The following FOXF1 variants were observed in gnomAD, a reference collection of about 807,000 sequenced individuals.
FOXF1 encodes forkhead box F1, also known as forkhead box protein F1.
A neutral mutation model predicts 26.6 loss-of-function variants in FOXF1; 9 were observed. That is an observed-to-expected ratio of 0.34 (90% CI 0.20 to 0.59). FOXF1 has a LOEUF of 0.59. Ranked by LOEUF, FOXF1 falls within the 20% of genes least tolerant of loss-of-function variation. The probability of loss-of-function intolerance (pLI) is 0.83; values close to 1 mark genes in which losing one functional copy is unlikely to be tolerated. For missense variants in FOXF1, 499 were observed against 549.9 expected, an observed-to-expected ratio of 0.91 and a Z score of 0.93; for synonymous variants, 330 against 257.7, an observed-to-expected ratio of 1.28 and a Z score of -2.69.
In FOXF1 at chr16:86,511,295, G is replaced by C. The variant is rs780704041; in HGVS notation, c.726G>C (p.Ser242=). The change falls in exon 1 of 2, where the codon TCG becomes TCC. Residue 242 remains serine, a synonymous_variant. Coordinates refer to ENST00000262426, the MANE Select transcript of FOXF1 (RefSeq NM_001451.3). ...AAGEYPHHDS[S]VPASPLLPTG... Reference sequence around the variant, plus strand: ...GCGAGTACCCGCACCACGACAGCTCGGTGCCCGCCTCCCCGCTGCTGCCCA... The same window carrying C: ...GCGAGTACCCGCACCACGACAGCTCCGTGCCCGCCTCCCCGCTGCTGCCCA... 2.0e-6 allele frequency: 3 copies of C among 1,521,468 alleles called. No homozygotes were observed. In the South Asian group the frequency reaches 3.6e-5, roughly 18 times the overall value. The allele number at this position is 1,521,468 out of a possible 1,614,324, so 94.2% of individuals were successfully genotyped here. A position where few individuals can be genotyped will look rare whatever the true frequency, so the allele number is the denominator to read the frequency against.
Position 86,514,464 on chromosome 16 carries a change from A to T in FOXF1, c.*1379A>T, listed in dbSNP as rs780188070. 2.0e-5 allele frequency: 3 copies of T among 152,202 alleles called. No homozygotes were observed. The highest frequency in any genetic ancestry group is 4.4e-5 in the Non-Finnish European group (3 of 68,038). 9.4% of individuals were successfully genotyped at this position (152,202 alleles called of 1,614,324 possible). On this transcript the variant is annotated 3_prime_UTR_variant, in exon 2 of 2. Coordinates refer to ENST00000262426, the MANE Select transcript of FOXF1 (RefSeq NM_001451.3). Reference sequence around the variant, plus strand: ...AGAAATAAAATTGCATGAGTATTTTATTGGGACTGAGATTGTAGAATACCT... The same window carrying T: ...AGAAATAAAATTGCATGAGTATTTTTTTGGGACTGAGATTGTAGAATACCT...
rs1969558142 is a variant in FOXF1 at position 86,511,253 on chromosome 16, C to T, written c.684C>T (p.Cys228=). ...GCGGCCACTCGTACATGGGCGGCTG[C>T]GGCGGCGCGGCGGCCGGCGAGTACC... ...SNGGHSYMGG[C]GGAAAGEYPH... Residue 228 remains cysteine (C), a synonymous_variant, in exon 1 of 2, where the codon TGC becomes TGT. Transcript: ENST00000262426. 2.0e-6 allele frequency: 3 copies of T among 1,519,330 alleles called. No homozygotes were observed. The highest frequency in any genetic ancestry group is 2.0e-5 in the Admixed American group (1 of 48,926). The allele number at this position is 1,519,330 out of a possible 1,614,324, so 94.1% of individuals were successfully genotyped here.
rs1969557198 is a variant in FOXF1 at position 86,511,191 on chromosome 16, C to T, written c.622C>T (p.Leu208=). ...GCCGGGCAACGTGGACGGCATGGCC[C>T]TGCCCAGCCACTCGGTGCCCCACCT... ...HLPGNVDGMA[L]PSHSVPHLPS... is the part of the protein sequence containing the mutation. The change falls in exon 1 of 2, where the codon CTG becomes TTG. Residue 208 remains leucine, a synonymous_variant. Coordinates refer to ENST00000262426, the MANE Select transcript of FOXF1 (RefSeq NM_001451.3). The T allele has an allele frequency of 6.4e-7, 1 of 1,560,514 alleles. No homozygotes were observed. The highest frequency in any genetic ancestry group is 8.6e-7 in the Non-Finnish European group (1 of 1,161,062).
Position 86,510,892 on chromosome 16 carries a change from A to G in FOXF1, c.323A>G (p.Lys108Arg). 6.2e-7 allele frequency: 1 copy of G among 1,613,882 alleles called. No homozygotes were observed. ...HNLSLNECFI[K>R]LPKGLGRPGK... ...CTCTCGCTCAACGAGTGCTTCATCA[A>G]GCTACCCAAGGGCCTTGGGCGGCCC... Residue 108 changes from lysine (K) to arginine (R), a missense_variant, in exon 1 of 2, where the codon AAG becomes AGG. Lys to Arg is a conservative substitution (Grantham distance 26). Coordinates refer to ENST00000262426, the MANE Select transcript of FOXF1 (RefSeq NM_001451.3).
In FOXF1 at chr16:86,511,441, C is replaced by A; in HGVS notation, c.872C>A (p.Ser291Tyr). The change falls in exon 1 of 2, where the codon TCC (serine) becomes TAC (tyrosine). Residue 291 changes from serine (S) to tyrosine (Y), a missense_variant. Transcript: ENST00000262426. ...TCTTATATCAAGCAGCAGCCCCTGT[C>A]CCCCTGTAACCCCGCGGCCAACCCC... is the stretch of plus-strand genomic sequence containing the variant. The part of the protein sequence containing the change: ...GASYIKQQPL[S>Y]PCNPAANPLS... 1 of 1,594,742 alleles carries A rather than the reference C, an allele frequency of 6.3e-7. No individual in the cohort carries two copies. Among genetic ancestry groups the A allele is most frequent in the Non-Finnish European group, 8.5e-7 (1 of 1,178,512 alleles).
chr16:86,511,977 C>T (rs908542484), intron 1 of FOXF1, among the ~76,000 whole-genome samples: 1 of 152,212 alleles, frequency 6.6e-6, no homozygotes, highest in African/African-American at 2.4e-5. Context: ...GCTGCCTCTG[C>T]CTGGGGCTGG....
In FOXF1 at chr16:86,511,466, C is replaced by G. The variant is rs1377218965; in HGVS notation, c.897C>G (p.Pro299=). 2 of 1,591,690 alleles carry G rather than the reference C, an allele frequency of 1.3e-6. No individual in the cohort carries two copies. The highest frequency in any genetic ancestry group is 2.3e-5 in the East Asian group (1 of 44,444). ...CCCCCTGTAACCCCGCGGCCAACCC[C>G]CTGTCCGGCAGCCTCTCCACGCACT... ...PLSPCNPAAN[P]LSGSLSTHSL... is the part of the protein sequence containing the mutation. Residue 299 remains proline (P), a synonymous_variant, in exon 1 of 2, where the codon CCC becomes CCG. Coordinates refer to ENST00000262426, the MANE Select transcript of FOXF1 (RefSeq NM_001451.3).
In FOXF1 at chr16:86,510,915, C is replaced by A; in HGVS notation, c.346C>A (p.Pro116Thr). The part of the protein sequence containing the change: ...FIKLPKGLGR[P>T]GKGHYWTIDP... ...CAAGCTACCCAAGGGCCTTGGGCGG[C>A]CCGGCAAGGGCCACTACTGGACCAT... Residue 116 changes from proline to threonine, a missense_variant, in exon 1 of 2, where the codon CCC becomes ACC. Physicochemically the swap from Pro to Thr is conservative, Grantham distance 38 (BLOSUM62 -1). Coordinates refer to ENST00000262426, the MANE Select transcript of FOXF1 (RefSeq NM_001451.3). 2.5e-6 allele frequency: 4 copies of A among 1,613,858 alleles called. No homozygotes were observed. Among genetic ancestry groups the A allele is most frequent in the Non-Finnish European group, 3.4e-6 (4 of 1,180,024 alleles).
rs1393788111 is a variant in FOXF1, at chr16:86,511,237, C to T, written c.668C>T (p.Ser223Leu). 6.5e-6 allele frequency: 10 copies of T among 1,527,138 alleles called. No individual in the cohort carries two copies. Among genetic ancestry groups the T allele is most frequent in the African/African-American group, 4.1e-5 (3 of 72,386 alleles). 94.6% of individuals were successfully genotyped at this position (1,527,138 alleles called of 1,614,324 possible). ...CACCTGCCTTCCAACGGCGGCCACT[C>T]GTACATGGGCGGCTGCGGCGGCGCG... is the stretch of plus-strand genomic sequence containing the variant. ...VPHLPSNGGH[S>L]YMGGCGGAAA... is the part of the protein sequence containing the mutation. The change falls in exon 1 of 2, where the codon TCG becomes TTG. Residue 223 changes from serine to leucine, a missense_variant. Ser to Leu is a moderately radical substitution (Grantham distance 145). Transcript: ENST00000262426.
chr16:86,513,353 C>A lies in FOXF1; in HGVS notation c.*268C>A, dbSNP rs1014738327. 4.1e-6 allele frequency: 2 copies of A among 488,740 alleles called. No homozygotes were observed. Among genetic ancestry groups the A allele is most frequent in the Admixed American group, 3.3e-5 (1 of 30,330 alleles). The allele number at this position is 488,740 out of a possible 1,614,324, so 30.3% of individuals were successfully genotyped here. On this transcript the variant is annotated 3_prime_UTR_variant, in exon 2 of 2. Transcript: ENST00000262426. Reference sequence around the variant, plus strand: ...CCATCGGTAAATAAAAGTTTTTGATCCTGTTGAACCCGCCTGAGACGGTGC... The same window carrying A: ...CCATCGGTAAATAAAAGTTTTTGATACTGTTGAACCCGCCTGAGACGGTGC...
At chr16:86,512,882 A>G in intron 1 of FOXF1, 43 bp from the exon 2 acceptor site, 1 of 1,611,976 alleles carries the variant, frequency 6.2e-7, no homozygotes, top group South Asian at 1.1e-5. Context: ...ACCGTGGCTA[A>G]CTCTTCTGCT....
At position 86,511,472 on chromosome 16, in the gene FOXF1, C is replaced by T. The variant is rs960319848; in HGVS notation, c.903C>T (p.Ser301=). 19 of 1,589,932 alleles carry T rather than the reference C, an allele frequency of 1.2e-5. No homozygotes were observed. Among genetic ancestry groups the T allele is most frequent in the Non-Finnish European group, 1.4e-5 (16 of 1,176,540 alleles). ...GTAACCCCGCGGCCAACCCCCTGTC[C>T]GGCAGCCTCTCCACGCACTCCCTGG... The part of the protein sequence containing the change: ...SPCNPAANPL[S]GSLSTHSLEQ... Residue 301 remains serine, a synonymous_variant, in exon 1 of 2, where the codon TCC becomes TCT. Coordinates refer to ENST00000262426, the MANE Select transcript of FOXF1 (RefSeq NM_001451.3).
chr16:86,512,787 C>T (rs1474897260), intron 1 of FOXF1, 138 bp from the exon 2 acceptor site: 24 of 946,948 alleles, frequency 2.5e-5, no homozygotes, highest in Non-Finnish European at 3.5e-5. Flanking sequence ...GGGAGGAGAG[C>T]GGGGAGGCGG....
chr16:86,510,661 C>T lies in FOXF1; in HGVS notation c.92C>T (p.Ser31Phe). 6.2e-7 allele frequency: 1 copy of T among 1,607,074 alleles called. No homozygotes were observed. The highest frequency in any genetic ancestry group is 1.3e-5 in the African/African-American group (1 of 74,780). The change falls in exon 1 of 2, where the codon TCC becomes TTC. Residue 31 changes from serine to phenylalanine, a missense_variant. Ser to Phe is a radical substitution (Grantham distance 155). This residue lies in a region of FOXF1 where 76 missense variants were observed against 78.9 expected (regional missense o/e 0.96). Transcript: ENST00000262426. Reference sequence around the variant, plus strand: ...GGCGCGGCCATGGACCCCGCGTCGTCCGGCCCGTCCAAGGCCAAGAAGACC... The same window carrying T: ...GGCGCGGCCATGGACCCCGCGTCGTTCGGCCCGTCCAAGGCCAAGAAGACC... ...GGGAAMDPAS[S>F]GPSKAKKTNA...
chr16:86,513,217 T>A lies in FOXF1; in HGVS notation c.*132T>A. 1 of 977,220 alleles carries A rather than the reference T, an allele frequency of 1.0e-6. No individual in the cohort carries two copies. 60.5% of individuals were successfully genotyped at this position (977,220 alleles called of 1,614,324 possible). ...GGGTTCCACCTCTCCCCAACCGGAG[T>A]TTTTGGCAAGGAGTCCCCAATGCAA... On this transcript the variant is annotated 3_prime_UTR_variant, in exon 2 of 2. Coordinates refer to ENST00000262426, the MANE Select transcript of FOXF1 (RefSeq NM_001451.3).
At position 86,511,185 on chromosome 16, in the gene FOXF1, A is replaced by C. The variant is rs760830266; in HGVS notation, c.616A>C (p.Met206Leu). The C allele has an allele frequency of 1.9e-6, 3 of 1,567,344 alleles. No homozygotes were observed. Among genetic ancestry groups the C allele is most frequent in the Non-Finnish European group, 2.6e-6 (3 of 1,164,962 alleles). Residue 206 changes from methionine (M) to leucine (L), a missense_variant, in exon 1 of 2, where the codon ATG becomes CTG. This residue lies in a region of FOXF1 where 367 missense variants were observed against 324.8 expected (regional missense o/e 1.13). Transcript: ENST00000262426. ...NGHLPGNVDG[M>L]ALPSHSVPHL... ...CCACTTGCCGGGCAACGTGGACGGC[A>C]TGGCCCTGCCCAGCCACTCGGTGCC...
chr16:86,512,301 G>C (rs997099406), intron 1 of FOXF1, among the ~76,000 whole-genome samples: 1 of 152,194 alleles, frequency 6.6e-6, no homozygotes, highest in Non-Finnish European at 1.5e-5. Flanking sequence ...TCTGCCCCAG[G>C]CCCCCCGCAG....
In FOXF1 at chr16:86,513,169, G is replaced by A; in HGVS notation, c.*84G>A. ...CACAAGAAACTGCTTTCTTCTCGAGGTATAACCGTCGGCAGAAGAAAAGGG... is the reference window on the plus strand; with the variant it reads ...CACAAGAAACTGCTTTCTTCTCGAGATATAACCGTCGGCAGAAGAAAAGGG... On this transcript the variant is annotated 3_prime_UTR_variant, in exon 2 of 2. Transcript: ENST00000262426. 1 of 1,461,866 alleles carries A rather than the reference G, an allele frequency of 6.8e-7. No homozygotes were observed. The highest frequency in any genetic ancestry group is 9.4e-7 in the Non-Finnish European group (1 of 1,063,614). The allele number at this position is 1,461,866 out of a possible 1,614,324, so 90.6% of individuals were successfully genotyped here.
chr16:86,513,005 T>A lies in FOXF1; in HGVS notation c.1060T>A (p.Ser354Thr). Residue 354 changes from serine (S) to threonine (T), a missense_variant, in exon 2 of 2, where the codon TCT becomes ACT. Ser to Thr is a moderately conservative substitution (Grantham distance 58). Coordinates refer to ENST00000262426, the MANE Select transcript of FOXF1 (RefSeq NM_001451.3). ...CTTCTCTTTCAACGCCATGGCGTCCTCTTCCATGCACTCGGCCGGCGGGGG... is the reference window on the plus strand; with the variant it reads ...CTTCTCTTTCAACGCCATGGCGTCCACTTCCATGCACTCGGCCGGCGGGGG... Reference protein sequence around the residue: ...FVFSFNAMASSSMHSAGGGSY... With the variant: ...FVFSFNAMASTSMHSAGGGSY... The A allele has an allele frequency of 6.2e-7, 1 of 1,614,106 alleles. No homozygotes were observed. Among genetic ancestry groups the A allele is most frequent in the Non-Finnish European group, 8.5e-7 (1 of 1,180,040 alleles).
Sources: allele counts gnomAD v4.1 joint callset (sites outside exome capture counted in the v4.1 genomes callset), GRCh38; gene constraint gnomAD v4.1.1; regional missense constraint gnomAD v4.1.1; transcripts MANE v1.5; gene names NCBI Gene and HGNC (gene_info 2026-07-23, HGNC 2026-07-21).